MOBP: variants seen among roughly 807,000 people sequenced by gnomAD.
MOBP encodes myelin-associated oligodendrocyte basic protein.
MOBP carries 5 observed loss-of-function variants against 15.0 expected under a neutral mutation model. The ratio of observed to expected loss-of-function variants is 0.33; its 90% CI spans 0.17 to 0.70. The LOEUF is 0.70. Ranked by LOEUF, MOBP falls within the 30% of genes least tolerant of loss-of-function variation. The pLI, the probability that MOBP is intolerant of heterozygous loss-of-function variation, is 0.67. For missense variants in MOBP, 188 were observed against 257.8 expected, an observed-to-expected ratio of 0.73 and a Z score of 1.85; for synonymous variants, 88 against 99.0, an observed-to-expected ratio of 0.89 and a Z score of 0.66.
intron 2 of MOBP, among the ~76,000 whole-genome samples, chr3:39,492,669 A>G (rs1026735299): frequency 3.3e-5 from 5 of 152,194 alleles, no homozygotes; most frequent in African/African-American, 9.7e-5. Flanking sequence ...TTTCTTAAGT[A>G]TATATTAAAC....
At chr3:39,483,251 A>G (rs1030904878) in intron 2 of MOBP, among the ~76,000 whole-genome samples, 4 of 152,210 alleles carry the variant, frequency 2.6e-5, no homozygotes, top group African/African-American at 9.6e-5. Flanking sequence ...TTAATATAAC[A>G]TGGTAAATAT....
At chr3:39,469,190 GTATATACATATATACA>G (rs2042425352) in intron 1 of MOBP, among the ~76,000 whole-genome samples, 1 of 60,100 alleles carries the variant, frequency 1.7e-5, no homozygotes, top group Non-Finnish European at 2.8e-5. Context: ...GTGTGTGTGT[GTATATACATATATACA>G]TGTGTGTGTA....
chr3:39,487,384 T>C (rs914579759), intron 2 of MOBP, among the ~76,000 whole-genome samples: 47 of 152,208 alleles, frequency 3.1e-4, no homozygotes, highest in African/African-American at 1.1e-3. Context: ...TATGGTTGTG[T>C]TTCTATTTTT....
chr3:39,482,123 CCTT>C (rs908613693), intron 2 of MOBP, among the ~76,000 whole-genome samples: 16 of 152,094 alleles, frequency 1.1e-4, no homozygotes, highest in Admixed American at 1.3e-4. Context: ...TTCGCCCAAA[CCTT>C]CTTTTTCTCT....
At chr3:39,514,277 G>A (rs2043165048) in exon 5 of MOBP, 1 of 152,436 alleles carries the variant, frequency 6.6e-6, no homozygotes, top group African/African-American at 2.4e-5. Flanking sequence ...AGAATTGACT[G>A]CTTTCGAATT....
At chr3:39,474,597 A>T (rs2042518240) in intron 1 of MOBP, among the ~76,000 whole-genome samples, 2 of 152,204 alleles carry the variant, frequency 1.3e-5, no homozygotes, top group Non-Finnish European at 2.9e-5. Context: ...ACGACTATAC[A>T]TGGAACTCCT....
chr3:39,517,810 A>C (rs1310693814), downstream of MOBP: 3 of 152,344 alleles, frequency 2.0e-5, no homozygotes, highest in African/African-American at 7.2e-5. Context: ...ACAGATGAGG[A>C]AACAGTCCTG....
At chr3:39,488,848 A>G (rs1018503282) in intron 2 of MOBP, among the ~76,000 whole-genome samples, 3 of 152,130 alleles carry the variant, frequency 2.0e-5, no homozygotes, top group Non-Finnish European at 4.4e-5. Flanking sequence ...AGTCTCTGTC[A>G]TGTCTCCCTG....
intron 4 of MOBP, among the ~76,000 whole-genome samples, chr3:39,510,427 C>T (rs956331088): frequency 6.6e-6 from 1 of 152,088 alleles, no homozygotes; most frequent in African/African-American, 2.4e-5. Flanking sequence ...AAAACTATAA[C>T]AATACTGAGT....
chr3:39,512,326 A>C (rs1042435754), intron 4 of MOBP, among the ~76,000 whole-genome samples: 1 of 152,150 alleles, frequency 6.6e-6, no homozygotes, highest in East Asian at 1.9e-4. Context: ...CCTGGGTTTT[A>C]TATTCAGCAG....
downstream of MOBP, among the ~76,000 whole-genome samples, chr3:39,518,715 G>T (rs146576576): frequency 3.5e-3 from 539 of 152,212 alleles, 13 homozygotes; most frequent in Admixed American, 0.031. Context: ...AGGAGAGTTG[G>T]GCAGTCATTC....
chr3:39,474,136 C>T (rs572218652), intron 1 of MOBP, among the ~76,000 whole-genome samples: 1 of 152,212 alleles, frequency 6.6e-6, no homozygotes, highest in African/African-American at 2.4e-5. Flanking sequence ...ATGCTCCAAA[C>T]AAGGGATTTG....
intron 2 of MOBP, among the ~76,000 whole-genome samples, chr3:39,485,572 A>C (rs2042689929): frequency 6.6e-6 from 1 of 151,924 alleles, no homozygotes; most frequent in African/African-American, 2.4e-5. Flanking sequence ...GAATCTTTGG[A>C]CCCCCAGTTA....
chr3:39,481,644 G>A (rs990022529), intron 2 of MOBP, among the ~76,000 whole-genome samples: 2 of 152,082 alleles, frequency 1.3e-5, no homozygotes, highest in African/African-American at 4.8e-5. Context: ...CTCTCCCACT[G>A]TTCTCAAATT....
chr3:39,519,437 T>A (rs73826466), downstream of MOBP, among the ~76,000 whole-genome samples: 667 of 152,260 alleles, frequency 4.4e-3, 7 homozygotes, highest in African/African-American at 0.013. Context: ...TTTCCAAGTT[T>A]AAAATTTTTT....
rs1575276050 is a variant in MOBP at position 39,468,936 on chromosome 3, T to TTGTGTGTATATATACATATATACATATG, written c.-89+1258_-89+1285dup. On this transcript the variant is annotated intron_variant, in intron 1 of 3. Transcript: ENST00000684792. ...GAGTGTGTATATATACATATATACA[T>TTGTGTGTATATATACATATATACATATG]TGTGTGTATATATACATATATACAT... Among the ~76,000 whole-genome samples, 14 of 54,016 alleles carry TTGTGTGTATATATACATATATACATATG rather than the reference T, an allele frequency of 2.6e-4. 2 individuals carry two copies. Among genetic ancestry groups the TTGTGTGTATATATACATATATACATATG allele is most frequent in the South Asian group, 2.1e-3 (4 of 1,870 alleles). 35.4% of individuals were successfully genotyped at this position (54,016 alleles called of 152,430 possible). A position where few individuals can be genotyped will look rare whatever the true frequency, so the allele number is the denominator to read the frequency against.
chr3:39,509,018 CTA>C (rs1220366436), intron 4 of MOBP, among the ~76,000 whole-genome samples: 2 of 151,904 alleles, frequency 1.3e-5, no homozygotes, highest in African/African-American at 2.4e-5. Flanking sequence ...TAGTCTCTCT[CTA>C]TATATGTGTA....
downstream of MOBP, chr3:39,526,904 G>A (rs1477552909): frequency 6.7e-6 from 1 of 150,316 alleles, no homozygotes; most frequent in African/African-American, 2.5e-5. Flanking sequence ...AGCCTCCCAA[G>A]TAGCTGGGAT....
chr3:39,516,813 A>C (rs538839416), downstream of MOBP, among the ~76,000 whole-genome samples: 2 of 152,336 alleles, frequency 1.3e-5, no homozygotes, highest in South Asian at 2.1e-4. Flanking sequence ...AGAAATGCAG[A>C]GTCTAATTTT....
Sources: allele counts gnomAD v4.1 joint callset (sites outside exome capture counted in the v4.1 genomes callset), GRCh38; gene constraint gnomAD v4.1.1; transcripts MANE v1.5; gene names NCBI Gene and HGNC (gene_info 2026-07-23, HGNC 2026-07-21).